The following NWD2 variants were observed in gnomAD, a reference collection of about 807,000 sequenced individuals.
The protein encoded by NWD2 is NACHT and WD repeat domain-containing protein 2.
A neutral mutation model predicts 132.7 loss-of-function variants in NWD2; 37 were observed. That is an observed-to-expected ratio of 0.28 (90% CI 0.21 to 0.37). The LOEUF (loss-of-function observed/expected upper bound fraction) is 0.37. Ranked by LOEUF, NWD2 falls within the 10% of genes least tolerant of loss-of-function variation. The pLI is 1.00. For missense variants in NWD2, 1,592 were observed against 2,122.4 expected, an observed-to-expected ratio of 0.75 and a Z score of 4.91; for synonymous variants, 705 against 803.0, an observed-to-expected ratio of 0.88 and a Z score of 2.06.
chr4:37,387,325 G>A (rs934330410), intron 3 of NWD2, among the ~76,000 whole-genome samples: 1 of 151,892 alleles, frequency 6.6e-6, no homozygotes, highest in Non-Finnish European at 1.5e-5. Flanking sequence ...TCTTTTGCAT[G>A]CAATGTCTTT....
intron 1 of NWD2, among the ~76,000 whole-genome samples, chr4:37,275,454 A>G (rs1321558531): frequency 6.6e-6 from 1 of 152,222 alleles, no homozygotes; most frequent in Non-Finnish European, 1.5e-5. Context: ...AGAACACTCC[A>G]TGCTCATGGG....
rs184550834 is a variant in NWD2 at position 37,357,085 on chromosome 4, G to A, written c.357+603G>A. Among the ~76,000 whole-genome samples the A allele has an allele frequency of 1.4e-3, 208 of 152,202 alleles. 1 individual carries two copies. The highest frequency in any genetic ancestry group is 4.6e-3 in the African/African-American group (190 of 41,546). On this transcript the variant is annotated intron_variant, in intron 3 of 6. Transcript: ENST00000309447. Reference sequence around the variant, plus strand: ...AAAGAATACTCACTCCTCTGTGTTAGCACGGTGGCAGTAAGATAAATAGGT... The same window carrying A: ...AAAGAATACTCACTCCTCTGTGTTAACACGGTGGCAGTAAGATAAATAGGT...
chr4:37,304,464 A>G (rs915822824), intron 1 of NWD2, among the ~76,000 whole-genome samples: 6 of 152,206 alleles, frequency 3.9e-5, no homozygotes, highest in Admixed American at 2.0e-4. Context: ...CATTAATTCA[A>G]ATGTCTGAGT....
At chr4:37,251,838 A>C (rs995399724) in intron 1 of NWD2, among the ~76,000 whole-genome samples, 1 of 150,412 alleles carries the variant, frequency 6.6e-6, no homozygotes, top group Non-Finnish European at 1.5e-5. Context: ...AAGCAGATGC[A>C]TTCACTCACT....
chr4:37,246,680 T>G (rs1717251163), intron 1 of NWD2, among the ~76,000 whole-genome samples: 1 of 152,242 alleles, frequency 6.6e-6, no homozygotes, highest in Admixed American at 6.5e-5. Flanking sequence ...TAGAACATTT[T>G]TAAGTGAGAG....
intron 5 of NWD2, among the ~76,000 whole-genome samples, chr4:37,438,415 C>G (rs895820285): frequency 1.3e-5 from 2 of 152,188 alleles, no homozygotes; most frequent in African/African-American, 4.8e-5. Flanking sequence ...TCAGCCTCCT[C>G]CTCTTTCTTT....
chr4:37,430,597 A>C lies in NWD2; in HGVS notation c.383A>C (p.Asn128Thr). The change falls in exon 4 of 7, where the codon AAT (asparagine) becomes ACT (threonine). Residue 128 changes from asparagine to threonine, a missense_variant. Physicochemically the swap from Asn to Thr is moderately conservative, Grantham distance 65. Transcript: ENST00000309447. Reference sequence around the variant, plus strand: ...GGACTATTAGGTGAAAAATATGGGAATATCCGAATCCCTGGAGAAGTTGAA... The same window carrying C: ...GGACTATTAGGTGAAAAATATGGGACTATCCGAATCCCTGGAGAAGTTGAA... Reference protein sequence around the residue: ...FVGLLGEKYGNIRIPGEVEAS... With the variant: ...FVGLLGEKYGTIRIPGEVEAS... 6.4e-7 allele frequency: 1 copy of C among 1,551,612 alleles called. No homozygotes were observed. Among genetic ancestry groups the C allele is most frequent in the Non-Finnish European group, 8.7e-7 (1 of 1,146,898 alleles).
intron 2 of NWD2, among the ~76,000 whole-genome samples, chr4:37,348,460 C>A (rs1172068954): frequency 2.6e-5 from 4 of 151,674 alleles, no homozygotes; most frequent in Non-Finnish European, 4.4e-5. Context: ...GCCCTACCAC[C>A]CTTGGGGACT....
Position 37,445,096 on chromosome 4 carries a change from T to C in NWD2, c.3108T>C (p.Tyr1036=). 1.3e-6 allele frequency: 2 copies of C among 1,551,892 alleles called. No individual in the cohort carries two copies. The highest frequency in any genetic ancestry group is 1.7e-6 in the Non-Finnish European group (2 of 1,147,044). The change falls in exon 7 of 7, where the codon TAT becomes TAC. Residue 1036 remains tyrosine (Y), a synonymous_variant. Coordinates refer to ENST00000309447, the MANE Select transcript of NWD2 (RefSeq NM_001144990.2). This position sits in a 1 kb window ranked among gnomAD's most constrained non-coding sequence, Gnocchi z 4.7. ...CAACAAATAACACCTTGTTGATTTA[T>C]GACAATGTCAATTCTTGCCTCCTGT... ...VATTNNTLLI[Y]DNVNSCLLSE... is the part of the protein sequence containing the mutation.
At chr4:37,370,700 A>G (rs1720200427) in intron 3 of NWD2, among the ~76,000 whole-genome samples, 1 of 152,238 alleles carries the variant, frequency 6.6e-6, no homozygotes, top group Admixed American at 6.5e-5. Context: ...TCCAAAATTT[A>G]TCAGATGAGA....
At chr4:37,310,612 G>A (rs545269611) in intron 1 of NWD2, among the ~76,000 whole-genome samples, 2 of 152,066 alleles carry the variant, frequency 1.3e-5, no homozygotes, top group African/African-American at 4.8e-5. Context: ...CTTGAAGCAT[G>A]GTGCTAGCTG....
At chr4:37,435,932 A>G (rs1351451146) in intron 5 of NWD2, among the ~76,000 whole-genome samples, 1 of 152,226 alleles carries the variant, frequency 6.6e-6, no homozygotes, top group Admixed American at 6.5e-5. Context: ...GATATAGTAT[A>G]TATTATATTT....
At chr4:37,308,362 G>T (rs547259168) in intron 1 of NWD2, among the ~76,000 whole-genome samples, 1 of 152,312 alleles carries the variant, frequency 6.6e-6, no homozygotes, top group South Asian at 2.1e-4. Flanking sequence ...GCTGTAATCA[G>T]TGTCAGTGGT....
intron 1 of NWD2, among the ~76,000 whole-genome samples, chr4:37,286,432 C>T (rs1021091007): frequency 6.6e-6 from 1 of 152,132 alleles, no homozygotes; most frequent in Non-Finnish European, 1.5e-5. Context: ...CCCTTGGAAC[C>T]CTGAATTGGA....
chr4:37,318,430 T>C (rs1427950088), intron 1 of NWD2, among the ~76,000 whole-genome samples: 1 of 152,202 alleles, frequency 6.6e-6, no homozygotes, highest in African/African-American at 2.4e-5. Context: ...AAAGGTATTT[T>C]TTAAAATAAT....
chr4:37,346,988 A>G (rs181132074), intron 2 of NWD2, among the ~76,000 whole-genome samples: 342 of 152,202 alleles, frequency 2.2e-3, no homozygotes, highest in African/African-American at 7.9e-3. Flanking sequence ...GTACTACTTT[A>G]GCTGCATCCT....
chr4:37,331,514 CTTGAGTATTT>C (rs1719290983), intron 2 of NWD2, among the ~76,000 whole-genome samples: 1 of 143,422 alleles, frequency 7.0e-6, no homozygotes, highest in East Asian at 2.2e-4. Flanking sequence ...CATCACCCTA[CTTGAGTATTT>C]CTATACAATA....
intron 3 of NWD2, among the ~76,000 whole-genome samples, chr4:37,381,192 G>A (rs1720445879): frequency 6.6e-6 from 1 of 152,124 alleles, no homozygotes; most frequent in Non-Finnish European, 1.5e-5. Flanking sequence ...CAGCTAGCAT[G>A]GATTTGAGCA....
chr4:37,270,490 C>T (rs931048876), intron 1 of NWD2, among the ~76,000 whole-genome samples: 7 of 151,642 alleles, frequency 4.6e-5, no homozygotes, highest in African/African-American at 9.7e-5. Flanking sequence ...AGATGGCCTA[C>T]GACAAGCAGC....
Sources: allele counts gnomAD v4.1 joint callset (sites outside exome capture counted in the v4.1 genomes callset), GRCh38; gene constraint gnomAD v4.1.1; non-coding constraint Gnocchi (gnomAD v3.1); transcripts MANE v1.5; gene names NCBI Gene and HGNC (gene_info 2026-07-23, HGNC 2026-07-21).